The following NXPH1 variants were observed in gnomAD, a reference collection of about 807,000 sequenced individuals.
NXPH1 encodes neurexophilin-1.
Under a neutral mutation model 23.7 loss-of-function variants are expected in NXPH1, and 5 were observed. The observed-to-expected ratio is 0.21, with a 90% CI of 0.11 to 0.44. The LOEUF (loss-of-function observed/expected upper bound fraction) is 0.44. Among genes scored for constraint, NXPH1 ranks in the 20% least tolerant of loss-of-function variants. The probability of loss-of-function intolerance (pLI) is 0.99; values close to 1 mark genes in which losing one functional copy is unlikely to be tolerated. For missense variants in NXPH1, 324 were observed against 321.6 expected (o/e 1.01, Z -0.06); for synonymous variants, 144 against 122.2 (o/e 1.18, Z -1.18).
At chr7:8,649,848 T>G (rs1043492924) in intron 2 of NXPH1, among the ~76,000 whole-genome samples, 1 of 152,222 alleles carries the variant, frequency 6.6e-6, no homozygotes, top group Non-Finnish European at 1.5e-5. Flanking sequence ...TCAGGGGTTA[T>G]CTAATCTACC....
intron 2 of NXPH1, among the ~76,000 whole-genome samples, chr7:8,570,877 T>G (rs1818629994): frequency 6.6e-6 from 1 of 151,754 alleles, no homozygotes; most frequent in Non-Finnish European, 1.5e-5. Context: ...TAAGGAGATC[T>G]TAACCAAGAG....
At chr7:8,487,278 C>T (rs1373095593) in intron 2 of NXPH1, among the ~76,000 whole-genome samples, 1 of 152,096 alleles carries the variant, frequency 6.6e-6, no homozygotes, top group Non-Finnish European at 1.5e-5. Flanking sequence ...TGGGAGGTAA[C>T]TAAATCACAG....
chr7:8,575,036 T>C (rs746447592), intron 2 of NXPH1, among the ~76,000 whole-genome samples: 1 of 152,192 alleles, frequency 6.6e-6, no homozygotes, highest in Non-Finnish European at 1.5e-5. Context: ...ATCTAAAATG[T>C]AAATAGCTTC....
At chr7:8,554,939 C>T (rs145889457) in intron 2 of NXPH1, among the ~76,000 whole-genome samples, 5 of 151,788 alleles carry the variant, frequency 3.3e-5, no homozygotes, top group African/African-American at 9.6e-5. Context: ...ATTGCCATGA[C>T]GTCTTGAATC....
intron 2 of NXPH1, among the ~76,000 whole-genome samples, chr7:8,654,455 A>T (rs1028292117): frequency 1.2e-4 from 18 of 152,234 alleles, no homozygotes; most frequent in Admixed American, 9.2e-4. Context: ...ACCACATTCT[A>T]TTGAAGGAAT....
intron 2 of NXPH1, among the ~76,000 whole-genome samples, chr7:8,514,335 C>T (rs965113853): frequency 1.3e-5 from 2 of 152,222 alleles, no homozygotes; most frequent in Middle Eastern, 3.4e-3. Flanking sequence ...ATTTGGGAAA[C>T]GTACAAGTTA....
At chr7:8,494,421 A>C (rs965767908) in intron 2 of NXPH1, among the ~76,000 whole-genome samples, 3 of 151,888 alleles carry the variant, frequency 2.0e-5, no homozygotes, top group African/African-American at 4.8e-5. Context: ...GAGTTAACTT[A>C]GTTTTTCTGC....
chr7:8,642,589 A>G (rs1220616717), intron 2 of NXPH1, among the ~76,000 whole-genome samples: 3 of 152,086 alleles, frequency 2.0e-5, no homozygotes, highest in Admixed American at 6.6e-5. Context: ...CTTTTTGACC[A>G]TCTGTCTGGA....
intron 2 of NXPH1, among the ~76,000 whole-genome samples, chr7:8,695,182 G>T (rs1465753713): frequency 6.6e-6 from 1 of 152,192 alleles, no homozygotes; most frequent in African/African-American, 2.4e-5. Context: ...GGTACATTGT[G>T]CTGTAATAAT....
At chr7:8,589,262 A>G (rs184130057) in intron 2 of NXPH1, among the ~76,000 whole-genome samples, 135 of 152,272 alleles carry the variant, frequency 8.9e-4, no homozygotes, top group African/African-American at 2.9e-3. Context: ...TCAGAGAATT[A>G]GAGGTGGAGC....
intron 2 of NXPH1, among the ~76,000 whole-genome samples, chr7:8,506,362 C>A (rs1817523034): frequency 6.6e-6 from 1 of 152,064 alleles, no homozygotes; most frequent in African/African-American, 2.4e-5. Context: ...CTTTCCATGT[C>A]TTAGTCACCT....
At chr7:8,490,179 T>C (rs183747275) in intron 2 of NXPH1, among the ~76,000 whole-genome samples, 9 of 152,182 alleles carry the variant, frequency 5.9e-5, no homozygotes, top group Admixed American at 3.3e-4. Context: ...GCTTTTCTGC[T>C]AATAAAAAAT....
At chr7:8,618,208 G>C (rs1819787601) in intron 2 of NXPH1, among the ~76,000 whole-genome samples, 1 of 152,066 alleles carries the variant, frequency 6.6e-6, no homozygotes, top group Non-Finnish European at 1.5e-5. Flanking sequence ...TGTACTTTAT[G>C]ATCTGGGCAT....
chr7:8,571,174 A>G (rs1183307643), intron 2 of NXPH1, among the ~76,000 whole-genome samples: 1 of 151,856 alleles, frequency 6.6e-6, no homozygotes, highest in African/African-American at 2.4e-5. Context: ...GAGCTATAGC[A>G]TGTTGAAATT....
intron 2 of NXPH1, among the ~76,000 whole-genome samples, chr7:8,551,619 T>C (rs1393521995): frequency 6.6e-6 from 1 of 151,502 alleles, no homozygotes; most frequent in Admixed American, 6.6e-5. Flanking sequence ...AATTATCCTT[T>C]ACAATTTTGG....
intron 2 of NXPH1, among the ~76,000 whole-genome samples, chr7:8,517,312 G>C (rs1043374487): frequency 1.3e-5 from 2 of 152,078 alleles, no homozygotes; most frequent in South Asian, 4.1e-4. Context: ...AGGGTAAATA[G>C]CATTTAACTG....
chr7:8,673,627 T>C (rs144628607), intron 2 of NXPH1, among the ~76,000 whole-genome samples: 20 of 152,244 alleles, frequency 1.3e-4, no homozygotes, highest in Middle Eastern at 3.4e-3. Context: ...ATGCATACAT[T>C]TGGAATAATA....
At chr7:8,695,236 G>C (rs900753617) in intron 2 of NXPH1, among the ~76,000 whole-genome samples, 1 of 152,156 alleles carries the variant, frequency 6.6e-6, no homozygotes, top group African/African-American at 2.4e-5. Context: ...GGTCTTTGAA[G>C]TTTACTGTCT....
intron 2 of NXPH1, among the ~76,000 whole-genome samples, chr7:8,519,004 T>C (rs1033363499): frequency 6.6e-6 from 1 of 152,156 alleles, no homozygotes; most frequent in African/African-American, 2.4e-5. Flanking sequence ...TGTATCTTTA[T>C]GTAAAGCATG....
Sources: allele counts gnomAD v4.1 joint callset (sites outside exome capture counted in the v4.1 genomes callset), GRCh38; gene constraint gnomAD v4.1.1; transcripts MANE v1.5; gene names NCBI Gene and HGNC (gene_info 2026-07-23, HGNC 2026-07-21).